The following COL5A3 variants were observed in gnomAD, a reference collection of about 807,000 sequenced individuals.
COL5A3 encodes the protein collagen type V alpha 3 chain.
COL5A3 carries 172 observed loss-of-function variants against 250.0 expected under a neutral mutation model. That is an observed-to-expected ratio of 0.69 (90% CI 0.61 to 0.78). The LOEUF (loss-of-function observed/expected upper bound fraction) is 0.78. COL5A3 is among the 30% of genes least tolerant of loss of function. COL5A3 has a pLI of 0.00. For synonymous variants in COL5A3, 937 were observed against 900.4 expected (o/e 1.04, Z -0.73); for missense variants, 2,340 against 2,334.4 (o/e 1.00, Z -0.05).
At position 10,010,491 on chromosome 19, in the gene COL5A3, G is replaced by A; in HGVS notation, c.-106C>T. On this transcript the variant is annotated 5_prime_UTR_variant, in exon 1 of 67. Coordinates refer to ENST00000264828, the MANE Select transcript of COL5A3 (RefSeq NM_015719.4). ...ACTCGCGGCGGCCGCTCCTCTCAGG[G>A]TCCGCGGGAAACTGCCCGAGACCCC... 1.4e-6 allele frequency: 1 copy of A among 719,674 alleles called. No individual in the cohort carries two copies. Among genetic ancestry groups the A allele is most frequent in the Non-Finnish European group, 2.0e-6 (1 of 504,190 alleles). 44.6% of individuals were successfully genotyped at this position (719,674 alleles called of 1,614,324 possible). A position where few individuals can be genotyped will look rare whatever the true frequency, so the allele number is the denominator to read the frequency against.
At position 9,973,946 on chromosome 19, in the gene COL5A3, C is replaced by T. The variant is rs954072541; in HGVS notation, c.3531G>A (p.Arg1177=). The T allele has an allele frequency of 9.0e-6, 14 of 1,549,842 alleles. No homozygotes were observed. Among genetic ancestry groups the T allele is most frequent in the Non-Finnish European group, 1.2e-5 (14 of 1,147,674 alleles). Residue 1177 remains arginine (R), a synonymous_variant, in exon 48 of 67, where the codon CGG becomes CGA. Transcript: ENST00000264828. Reference sequence around the variant, plus strand: ...CTGATCCAGTGGGGCCTTGGGGACCCCGAGGACCTGGAGCTCCATGGGGAC... The same window carrying T: ...CTGATCCAGTGGGGCCTTGGGGACCTCGAGGACCTGGAGCTCCATGGGGAC... ...SMGPHGAPGP[R]GPQGPTGSEG...
intron 64 of COL5A3, among the ~76,000 whole-genome samples, chr19:9,964,226 T>G (rs1207473527): frequency 2.0e-5 from 3 of 151,840 alleles, no homozygotes; most frequent in Non-Finnish European, 4.4e-5. Context: ...CACTGCTTAA[T>G]CCCAGTGCTT....
intron 15 of COL5A3, chr19:9,995,859 G>T (rs2087261377): frequency 1.7e-6 from 1 of 589,298 alleles, no homozygotes. Flanking sequence ...GCCCAGACTG[G>T]TCTTGAACTC....
At chr19:9,991,048 GACCCCA>G (rs1456384976) in intron 24 of COL5A3, among the ~76,000 whole-genome samples, 3 of 152,062 alleles carry the variant, frequency 2.0e-5, no homozygotes, top group Non-Finnish European at 4.4e-5. Flanking sequence ...AACACAGGCA[GACCCCA>G]TCTCTACAAA....
At position 10,006,105 on chromosome 19, in the gene COL5A3, G is replaced by T. The variant is rs534254703; in HGVS notation, c.215C>A (p.Thr72Lys). The change falls in exon 2 of 67, where the codon ACG (threonine) becomes AAG (lysine). Residue 72 changes from threonine to lysine, a missense_variant. Coordinates refer to ENST00000264828, the MANE Select transcript of COL5A3 (RefSeq NM_015719.4). ...GAGTTCCCACGTGGGGATGCCGAGC[G>T]TGCTGGCCTGGCCAATTCTGAATGC... The part of the protein sequence containing the change: ...DRAFRIGQAS[T>K]LGIPTWELFP... 6.2e-6 allele frequency: 10 copies of T among 1,613,932 alleles called. No individual in the cohort carries two copies. The South Asian group carries it at 9.9e-5, about 16-fold the overall frequency.
Position 9,986,734 on chromosome 19 carries a change from G to A in COL5A3, c.2170C>T (p.Gln724Ter), listed in dbSNP as rs2087105768. The change falls in exon 28 of 67, where the codon CAG (glutamine) becomes TAG (stop). Residue 724 changes from glutamine to a stop codon, truncating the protein, a stop_gained. Coordinates refer to ENST00000264828, the MANE Select transcript of COL5A3 (RefSeq NM_015719.4). LOFTEE classifies it high-confidence loss of function. ...CTCACCTTCTCGCCTTTCTCCCCCT[G>A]GAGGCCCCGGTTGCCTGAAGTGCCC... ...VKGTSGNRGL[Q>*]GEKGEKGEDG... 1 of 1,612,938 alleles carries A rather than the reference G, an allele frequency of 6.2e-7. No individual in the cohort carries two copies. Among genetic ancestry groups the A allele is most frequent in the Non-Finnish European group, 8.5e-7 (1 of 1,179,858 alleles).
At chr19:10,007,027 C>A (rs1422267180) in intron 1 of COL5A3, among the ~76,000 whole-genome samples, 1 of 149,930 alleles carries the variant, frequency 6.7e-6, no homozygotes, top group East Asian at 2.0e-4. Context: ...CCTCTCCTGA[C>A]TTTCCCCTCT....
In COL5A3 at chr19:9,968,280, C is replaced by A; in HGVS notation, c.4314+105G>T. ...TACATCCCCCTATTTTCCCCACACA[C>A]ACCCTCATTAATCCAGACCCACGTT... On this transcript the variant is annotated intron_variant, in intron 59 of 66. Coordinates refer to ENST00000264828, the MANE Select transcript of COL5A3 (RefSeq NM_015719.4). This position sits in a 1 kb window ranked among gnomAD's most constrained non-coding sequence, Gnocchi z 4.1. The A allele has an allele frequency of 1.9e-6, 2 of 1,079,744 alleles. No homozygotes were observed. The highest frequency in any genetic ancestry group is 2.8e-6 in the Non-Finnish European group (2 of 724,486). The allele number at this position is 1,079,744 out of a possible 1,614,324, so 66.9% of individuals were successfully genotyped here.
chr19:10,005,877 C>CA lies in COL5A3; in HGVS notation c.355_356insT (p.Gly119ValfsTer13). 6.2e-7 allele frequency: 1 copy of CA among 1,613,878 alleles called. No individual in the cohort carries two copies. Among genetic ancestry groups the CA allele is most frequent in the Non-Finnish European group, 8.5e-7 (1 of 1,180,000 alleles). ...ACCCAGCGCTGGCCCCAGTGCCAGG[C>CA]CCAACTGCCGGGCACCCCTTTCATC... is the stretch of plus-strand genomic sequence containing the variant. On this transcript the variant is annotated frameshift_variant, in exon 3 of 67. Coordinates refer to ENST00000264828, the MANE Select transcript of COL5A3 (RefSeq NM_015719.4). LOFTEE classifies it high-confidence loss of function.
chr19:10,000,044 C>CTATAGGTGATT (rs1445403652), intron 8 of COL5A3, among the ~76,000 whole-genome samples: 1 of 152,100 alleles, frequency 6.6e-6, no homozygotes, highest in Non-Finnish European at 1.5e-5. Flanking sequence ...AGGTGTGAGC[C>CTATAGGTGATT]ACCATACCTG....
rs560807981 is a variant in COL5A3, at chr19:9,979,871, G to A, written c.2680C>T (p.Arg894Ter). ...GPPGHQGKDGRPGHPGQRGEL... is the reference protein window; with the variant it reads ...GPPGHQGKDG ...CCTCTCTGTCCAGGGTGCCCTGGTC[G>A]CCCATCTTTACCTTGGTGACCCTGG... is the stretch of plus-strand genomic sequence containing the variant. The change falls in exon 37 of 67, where the codon CGA (arginine) becomes TGA (stop). Residue 894 changes from arginine to a stop codon, truncating the protein, a stop_gained. Coordinates refer to ENST00000264828, the MANE Select transcript of COL5A3 (RefSeq NM_015719.4). LOFTEE classifies it high-confidence loss of function. 20 of 1,575,274 alleles carry A rather than the reference G, an allele frequency of 1.3e-5. No homozygotes were observed. Among genetic ancestry groups the A allele is most frequent in the Admixed American group, 6.2e-5 (3 of 48,688 alleles).
intron 32 of COL5A3, 51 bp downstream of exon 32, chr19:9,982,014 G>C: frequency 7.2e-7 from 1 of 1,393,338 alleles, no homozygotes; most frequent in South Asian, 1.2e-5. Context: ...CACACATGCT[G>C]TTCCCCTCAG....
intron 33 of COL5A3, 50 bp downstream of exon 33, chr19:9,981,038 G>T (rs1379710181): frequency 1.3e-6 from 2 of 1,590,740 alleles, no homozygotes; most frequent in Non-Finnish European, 1.7e-6. Flanking sequence ...TTCCTTCCCA[G>T]CCCTGTCCCC....
At chr19:9,991,953 C>T (rs749031111) in intron 22 of COL5A3, 51 bp downstream of exon 22, 9 of 1,580,846 alleles carry the variant, frequency 5.7e-6, no homozygotes, top group Admixed American at 3.3e-5. Context: ...TGTGGACAAT[C>T]GGGGTCAGAG....
In COL5A3 at chr19:9,977,435, C is replaced by T; in HGVS notation, c.3164G>A (p.Gly1055Glu). The T allele has an allele frequency of 6.6e-7, 1 of 1,522,550 alleles. No individual in the cohort carries two copies. Among genetic ancestry groups the T allele is most frequent in the Non-Finnish European group, 8.8e-7 (1 of 1,136,996 alleles). The allele number at this position is 1,522,550 out of a possible 1,614,324, so 94.3% of individuals were successfully genotyped here. A position where few individuals can be genotyped will look rare whatever the true frequency, so the allele number is the denominator to read the frequency against. ...CAGAGGCCCCAGGGGCCCTGGGATCCCATCTTTGCCAGTGGGGCCAGGGGG... is the reference window on the plus strand; with the variant it reads ...CAGAGGCCCCAGGGGCCCTGGGATCTCATCTTTGCCAGTGGGGCCAGGGGG... ...RGPPGPTGKD[G>E]IPGPLGPLGP... The change falls in exon 43 of 67, where the codon GGG becomes GAG. Residue 1055 changes from glycine to glutamate, a missense_variant. By Grantham distance (98) the Gly-to-Glu change is moderately conservative. Coordinates refer to ENST00000264828, the MANE Select transcript of COL5A3 (RefSeq NM_015719.4).
At chr19:9,965,951 A>G (rs2086739184) in intron 64 of COL5A3, among the ~76,000 whole-genome samples, 2 of 151,958 alleles carry the variant, frequency 1.3e-5, no homozygotes, top group African/African-American at 4.8e-5. Flanking sequence ...CTCCCGCCTC[A>G]GTCTCCAGAG....
At chr19:9,983,554 AAG>A (rs1470269091) in intron 31 of COL5A3, among the ~76,000 whole-genome samples, 4 of 75,794 alleles carry the variant, frequency 5.3e-5, no homozygotes. Flanking sequence ...GAAAGAAAGA[AAG>A]AAAGAAAGAA....
At chr19:9,984,356 G>T (rs576773208) in intron 31 of COL5A3, among the ~76,000 whole-genome samples, 1 of 152,178 alleles carries the variant, frequency 6.6e-6, no homozygotes, top group Non-Finnish European at 1.5e-5. Flanking sequence ...CTACTCTAGA[G>T]AAACAGAACT....
chr19:9,962,794 C>A lies in COL5A3; in HGVS notation c.4851+25G>T, dbSNP rs543905269. 53 of 1,584,374 alleles carry A rather than the reference C, an allele frequency of 3.3e-5. No homozygotes were observed. In the East Asian group the frequency reaches 1.2e-3, roughly 35 times the overall value. Reference sequence around the variant, plus strand: ...GGTTCCCATCAATTTTCATGTCACTCCCCATCTCGGCCTCGGTGACTCACC... The same window carrying A: ...GGTTCCCATCAATTTTCATGTCACTACCCATCTCGGCCTCGGTGACTCACC... On this transcript the variant is annotated intron_variant, in intron 65 of 66. Transcript: ENST00000264828.
Sources: allele counts gnomAD v4.1 joint callset (sites outside exome capture counted in the v4.1 genomes callset), GRCh38; gene constraint gnomAD v4.1.1; non-coding constraint Gnocchi (gnomAD v3.1); transcripts MANE v1.5; gene names NCBI Gene and HGNC (gene_info 2026-07-23, HGNC 2026-07-21).